Variants in UBR1 observed in about 807,000 individuals in gnomAD.
UBR1 encodes ubiquitin protein ligase E3 component n-recognin 1, also known as E3 ubiquitin-protein ligase UBR1.
Under a neutral mutation model 242.1 loss-of-function variants are expected in UBR1, and 102 were observed. That is an observed-to-expected ratio of 0.42 (90% CI 0.36 to 0.50). The LOEUF is 0.50. Among genes scored for constraint, UBR1 ranks in the 20% least tolerant of loss-of-function variants. The pLI, the probability that UBR1 is intolerant of heterozygous loss-of-function variation, is 0.01. For synonymous variants in UBR1, 675 were observed against 684.8 expected, an observed-to-expected ratio of 0.99 and a Z score of 0.22; for missense variants, 1,772 against 2,101.8, an observed-to-expected ratio of 0.84 and a Z score of 3.07.
At chr15:42,993,455 C>A (rs2032587085) in intron 33 of UBR1, among the ~76,000 whole-genome samples, 1 of 151,970 alleles carries the variant, frequency 6.6e-6, no homozygotes, top group Non-Finnish European at 1.5e-5. Context: ...CCTCCACCTC[C>A]CCGGTTCATG....
At position 42,983,909 on chromosome 15, in the gene UBR1, G is replaced by A. The variant is rs372200839; in HGVS notation, c.4138C>T (p.Arg1380Cys). 1.5e-4 allele frequency: 242 copies of A among 1,611,430 alleles called. No individual in the cohort carries two copies. In the East Asian group the frequency reaches 4.0e-3, roughly 26 times the overall value. The change falls in exon 37 of 47, where the codon CGT becomes TGT. Residue 1380 changes from arginine (R) to cysteine (C), a missense_variant. By Grantham distance (180) the Arg-to-Cys change is radical. Around this residue, in one of 3 missense-constraint regions of UBR1, gnomAD observed 965 missense variants for 1,079.7 expected, o/e 0.89. Transcript: ENST00000290650. ...GAGAAGACTCTACCTGATAGAAGAC[G>A]AACCAGATGTTTCTGTATCAGGACC... ...PQVLIQKHLV[R>C]LLSVVLPNIK...
intron 21 of UBR1, among the ~76,000 whole-genome samples, chr15:43,029,130 C>A (rs1333883865): frequency 6.6e-6 from 1 of 152,148 alleles, no homozygotes; most frequent in African/African-American, 2.4e-5. Context: ...CACACGCACA[C>A]ACACACACAT....
chr15:42,970,075 G>A (rs558581359), intron 40 of UBR1, among the ~76,000 whole-genome samples: 32 of 152,252 alleles, frequency 2.1e-4, no homozygotes, highest in Admixed American at 3.9e-4. Flanking sequence ...GAGGTATCAC[G>A]CTACCTGACT....
chr15:42,959,022 G>A (rs549777010), intron 43 of UBR1, among the ~76,000 whole-genome samples: 121 of 152,046 alleles, frequency 8.0e-4, no homozygotes, highest in African/African-American at 2.8e-3. Flanking sequence ...CTAGAGACGG[G>A]GTTTCGTCAT....
intron 33 of UBR1, among the ~76,000 whole-genome samples, chr15:42,992,866 C>T (rs2032577320): frequency 6.6e-6 from 1 of 152,102 alleles, no homozygotes; most frequent in African/African-American, 2.4e-5. Flanking sequence ...AGCCACGAGG[C>T]AAAGACAGAA....
chr15:43,074,398 T>C (rs1175056593), intron 4 of UBR1, among the ~76,000 whole-genome samples: 3 of 152,200 alleles, frequency 2.0e-5, no homozygotes, highest in African/African-American at 7.2e-5. Context: ...TATTAATAAT[T>C]ACTTCCTTTT....
At chr15:42,987,512 G>A (rs1984501) in intron 35 of UBR1, among the ~76,000 whole-genome samples, 2,297 of 152,096 alleles carry the variant, frequency 0.015, 30 homozygotes, top group Non-Finnish European at 0.022. Flanking sequence ...TCAAGAGATC[G>A]AGACCATCCT....
intron 33 of UBR1, among the ~76,000 whole-genome samples, chr15:42,995,503 C>CAA (rs879896059): frequency 1.1e-5 from 1 of 94,082 alleles, no homozygotes. Context: ...ACTAAAAATA[C>CAA]AAAAAAAAAA....
rs1390653049 is a variant in UBR1, at chr15:43,007,404, TA to T, written c.3210-121del. 2.4e-5 allele frequency: 22 copies of T among 906,146 alleles called. No homozygotes were observed. In the East Asian group the frequency reaches 5.8e-4, roughly 24 times the overall value. 56.1% of individuals were successfully genotyped at this position (906,146 alleles called of 1,614,324 possible). A position where few individuals can be genotyped will look rare whatever the true frequency, so the allele number is the denominator to read the frequency against. ...AGAAAGATAATAAAAATAAAAATGA[TA>T]TTTAGCAATATTAAGTTAAAAGCTT... On this transcript the variant is annotated intron_variant, in intron 29 of 46. Coordinates refer to ENST00000290650, the MANE Select transcript of UBR1 (RefSeq NM_174916.3).
At chr15:43,084,987 C>T (rs1428426718) in intron 2 of UBR1, among the ~76,000 whole-genome samples, 2 of 152,170 alleles carry the variant, frequency 1.3e-5, no homozygotes, top group Non-Finnish European at 2.9e-5. Context: ...TGTGCTGTCA[C>T]GAAGTTTAAG....
chr15:43,076,337 C>G (rs1267852015), intron 3 of UBR1, among the ~76,000 whole-genome samples: 1 of 152,186 alleles, frequency 6.6e-6, no homozygotes, highest in African/African-American at 2.4e-5. Context: ...CTACAACCTC[C>G]ACCTCCCAGC....
At chr15:43,082,943 T>C (rs1275030277) in intron 2 of UBR1, among the ~76,000 whole-genome samples, 2 of 152,098 alleles carry the variant, frequency 1.3e-5, no homozygotes, top group East Asian at 3.9e-4. Context: ...TGTTTGGTTT[T>C]CTTTCTGAAA....
intron 1 of UBR1, among the ~76,000 whole-genome samples, chr15:43,105,711 G>A (rs1440447345): frequency 6.6e-6 from 1 of 152,160 alleles, no homozygotes; most frequent in Admixed American, 6.6e-5. Context: ...ATAGAGACAT[G>A]CACACTTGAG....
In UBR1 at chr15:43,056,215, C is replaced by A; in HGVS notation, c.1281+129G>T. 4.0e-6 allele frequency: 3 copies of A among 759,298 alleles called. No homozygotes were observed. The Admixed American group carries it at 6.2e-5, about 16-fold the overall frequency. 47.0% of individuals were successfully genotyped at this position (759,298 alleles called of 1,614,324 possible). ...CTAGTTAACTAGTCCTTGGGTAGCACTAAAGTATTCACATAGCCCAACTTA... is the reference window on the plus strand; with the variant it reads ...CTAGTTAACTAGTCCTTGGGTAGCAATAAAGTATTCACATAGCCCAACTTA... On this transcript the variant is annotated intron_variant, in intron 11 of 46. Coordinates refer to ENST00000290650, the MANE Select transcript of UBR1 (RefSeq NM_174916.3).
chr15:43,042,973 A>C (rs1475981797), intron 15 of UBR1, among the ~76,000 whole-genome samples: 1 of 152,264 alleles, frequency 6.6e-6, no homozygotes, highest in East Asian at 1.9e-4. Flanking sequence ...TTAGTCCTTA[A>C]GTATATACTC....
At chr15:43,017,306 T>C in intron 27 of UBR1, 125 bp from the exon 28 acceptor site, 1 of 707,614 alleles carries the variant, frequency 1.4e-6, no homozygotes, top group Non-Finnish European at 2.5e-6. Context: ...ACTATTTCAA[T>C]ATATGAAGAA....
At chr15:43,034,902 A>G (rs1481828826) in intron 19 of UBR1, among the ~76,000 whole-genome samples, 9 of 150,108 alleles carry the variant, frequency 6.0e-5, no homozygotes, top group East Asian at 3.9e-4. Flanking sequence ...AAAAAAAAAA[A>G]AAAGAAAGAA....
At chr15:43,045,773 G>C (rs1181710862) in intron 14 of UBR1, among the ~76,000 whole-genome samples, 2 of 152,200 alleles carry the variant, frequency 1.3e-5, no homozygotes, top group Non-Finnish European at 2.9e-5. Context: ...CTGTAAGAAA[G>C]AGAATATTGG....
At position 43,019,153 on chromosome 15, in the gene UBR1, C is replaced by A. The variant is rs571405604; in HGVS notation, c.2941-1972G>T. Among the ~76,000 whole-genome samples the A allele has an allele frequency of 3.3e-5, 5 of 152,194 alleles. No homozygotes were observed. In the South Asian group the frequency reaches 1.0e-3, roughly 32 times the overall value. On this transcript the variant is annotated intron_variant, in intron 27 of 46. Transcript: ENST00000290650. ...CTCGGCTCACTGCAAGCTCCACCTC[C>A]CGGGTTCAAGCCATTCTCCTGCCTC...
Sources: gnomAD v4.1 joint callset for allele counts (sites outside exome capture counted in the v4.1 genomes callset) on GRCh38, gnomAD v4.1.1 for gene constraint, gnomAD v4.1.1 regional missense constraint, MANE v1.5 for transcripts, NCBI Gene and HGNC (gene_info 2026-07-23, HGNC 2026-07-21) for gene names.